PPFIA4: variants seen among roughly 807,000 people sequenced by gnomAD.
PPFIA4 encodes PPFI scaffold protein A4, also known as liprin-alpha-4.
In PPFIA4, 98 loss-of-function variants were observed where a neutral mutation model predicts 145.7. That is an observed-to-expected ratio of 0.67 (90% CI 0.57 to 0.80). PPFIA4 has a LOEUF of 0.80. PPFIA4 is among the 30% of genes least tolerant of loss of function. PPFIA4 has a pLI of 0.00. For synonymous variants in PPFIA4, 628 were observed against 649.6 expected (o/e 0.97, Z 0.51); for missense variants, 1,457 against 1,632.7 (o/e 0.89, Z 1.85).
rs758881513 is a variant in PPFIA4 at position 203,068,415 on chromosome 1, G to A, written c.3149-38G>A. 4 of 1,534,874 alleles carry A rather than the reference G, an allele frequency of 2.6e-6. No homozygotes were observed. In the East Asian group the frequency reaches 7.2e-5, roughly 28 times the overall value. On this transcript the variant is annotated intron_variant, in intron 26 of 29. Transcript: ENST00000295706. This position sits in a 1 kb window ranked among gnomAD's most constrained non-coding sequence, Gnocchi z 4.7. ...CTTGGAGGGCCCTTGATGAAACGTA[G>A]TATCTCCTTCCGTCCCTTTTCTTCC...
rs952998692 is a variant in PPFIA4, at chr1:203,044,416, C to A, written c.539C>A (p.Thr180Asn). The A allele has an allele frequency of 6.4e-6, 10 of 1,552,150 alleles. No individual in the cohort carries two copies. In the African/African-American group the frequency reaches 9.6e-5, roughly 15 times the overall value. The change falls in exon 5 of 30, where the codon ACC becomes AAC. Residue 180 changes from threonine (T) to asparagine (N), a missense_variant. Physicochemically the swap from Thr to Asn is moderately conservative, Grantham distance 65. This residue lies in a region of PPFIA4 where 463 missense variants were observed against 459.8 expected (regional missense o/e 1.01). Coordinates refer to ENST00000295706, the MANE Select transcript of PPFIA4 (RefSeq NM_001304331.2). ...ERLRAALERVTTLEEQLAGAH... is the reference protein window; with the variant it reads ...ERLRAALERVNTLEEQLAGAH... ...CTCCGGGCAGCGCTGGAGCGAGTCACCACCTTGGAGGAGCAGCTGGCAGGT... is the reference window on the plus strand; with the variant it reads ...CTCCGGGCAGCGCTGGAGCGAGTCAACACCTTGGAGGAGCAGCTGGCAGGT...
Position 203,061,031 on chromosome 1 carries a change from C to T in PPFIA4, c.2846C>T (p.Thr949Ile), listed in dbSNP as rs1239653449. ...GAAACTCTGGAAACATCTACTAAAA[C>T]AGTGAGTCTGGCCCTTGGCCTTTGT... is the stretch of plus-strand genomic sequence containing the variant. ...EMETLETSTKTDSEEGSWAQT... is the reference protein window; with the variant it reads ...EMETLETSTKIDSEEGSWAQT... The change falls in exon 23 of 30, where the codon ACA becomes ATA. Residue 949 changes from threonine (T) to isoleucine (I), a missense_variant and splice_region_variant. Physicochemically the swap from Thr to Ile is moderately conservative, Grantham distance 89. This residue lies in a region of PPFIA4 where 848 missense variants were observed against 1,046.7 expected (regional missense o/e 0.81). Transcript: ENST00000295706. 1.2e-6 allele frequency: 2 copies of T among 1,613,962 alleles called. No individual in the cohort carries two copies. The highest frequency in any genetic ancestry group is 1.7e-5 in the Admixed American group (1 of 60,028).
intron 9 of PPFIA4, 39 bp downstream of exon 9, chr1:203,046,421 C>CT: frequency 6.4e-7 from 1 of 1,552,256 alleles, no homozygotes; most frequent in Non-Finnish European, 8.7e-7. Context: ...CTCTGTCCCC[C>CT]ATGTTCTGAG....
intron 24 of PPFIA4, 111 bp downstream of exon 24, chr1:203,061,789 G>C: frequency 1.7e-6 from 2 of 1,159,036 alleles, no homozygotes; most frequent in East Asian, 2.9e-5. Context: ...GAAAAGCCCT[G>C]GACATAGGTT....
chr1:203,040,809 G>A (rs1659646632), intron 2 of PPFIA4, among the ~76,000 whole-genome samples: 1 of 152,144 alleles, frequency 6.6e-6, no homozygotes, highest in Non-Finnish European at 1.5e-5. Flanking sequence ...AGAGAGATTA[G>A]GTAACTTATT....
chr1:203,028,999 T>C (rs1658632178), intron 1 of PPFIA4, among the ~76,000 whole-genome samples: 1 of 152,046 alleles, frequency 6.6e-6, no homozygotes, highest in South Asian at 2.1e-4. Context: ...GGGCTGCTTC[T>C]AGGGGACCCT....
chr1:203,061,482 G>A (rs750281238), intron 23 of PPFIA4, 170 bp from the exon 24 acceptor site: 8 of 640,372 alleles, frequency 1.2e-5, no homozygotes, highest in Non-Finnish European at 1.8e-5. Flanking sequence ...GCAAACATGG[G>A]TGCACACACC....
At chr1:203,046,544 G>A in intron 9 of PPFIA4, 162 bp downstream of exon 9, 1 of 758,508 alleles carries the variant, frequency 1.3e-6, no homozygotes. Flanking sequence ...GTGCCTGTCA[G>A]TTGGAAGAGT....
At chr1:203,032,041 C>CGTGTATGTGTGTGTGT (rs138677252) in intron 1 of PPFIA4, among the ~76,000 whole-genome samples, 2 of 146,350 alleles carry the variant, frequency 1.4e-5, no homozygotes, top group Non-Finnish European at 3.0e-5. Context: ...TCTGAGAGAA[C>CGTGTATGTGTGTGTGT]GTGTGTGTGT....
At chr1:203,044,864 C>A in intron 6 of PPFIA4, 79 bp downstream of exon 6, 1 of 1,151,072 alleles carries the variant, frequency 8.7e-7, no homozygotes, top group Non-Finnish European at 1.3e-6. Context: ...TGCCTTAGTT[C>A]AGTAGACTAA....
At chr1:203,049,534 G>C (rs1660341091) in intron 12 of PPFIA4, 142 bp from the exon 13 acceptor site, 2 of 681,108 alleles carry the variant, frequency 2.9e-6, no homozygotes, top group Non-Finnish European at 4.5e-6. Context: ...CTGGCCTGGG[G>C]CCCCTGGCTT....
At chr1:203,035,265 G>A (rs138927144) in intron 1 of PPFIA4, 37 of 456,602 alleles carry the variant, frequency 8.1e-5, no homozygotes, top group African/African-American at 4.4e-4. Flanking sequence ...TGTGGTCTCC[G>A]CAGGGGCTGG....
chr1:203,048,581 A>T lies in PPFIA4; in HGVS notation c.1225-2A>T. On this transcript the variant is annotated splice_acceptor_variant, in intron 10 of 29. Transcript: ENST00000295706. LOFTEE classifies it high-confidence loss of function. This position sits in a 1 kb window ranked among gnomAD's most constrained non-coding sequence, Gnocchi z 5.8. Reference sequence around the variant, plus strand: ...CCTGGTGCGAGGCAGACGGCTGTGCAGGTGCGCCAGCGGGAAAAGATGAAT... The same window carrying T: ...CCTGGTGCGAGGCAGACGGCTGTGCTGGTGCGCCAGCGGGAAAAGATGAAT... 6.3e-7 allele frequency: 1 copy of T among 1,577,236 alleles called. No individual in the cohort carries two copies. The highest frequency in any genetic ancestry group is 8.6e-7 in the Non-Finnish European group (1 of 1,162,798).
At chr1:203,026,764 G>C (rs995400925) in intron 1 of PPFIA4, 135 bp downstream of exon 1, 3 of 152,362 alleles carry the variant, frequency 2.0e-5, no homozygotes, top group African/African-American at 7.2e-5. Context: ...TGCTACCTCC[G>C]GCAGGCGTCG....
intron 2 of PPFIA4, among the ~76,000 whole-genome samples, chr1:203,041,740 C>A (rs1192682719): frequency 6.6e-6 from 1 of 152,094 alleles, no homozygotes; most frequent in Non-Finnish European, 1.5e-5. Context: ...CAGCACCAGC[C>A]TTTTGGTGGT....
At chr1:203,064,615 C>G (rs1376356758) in intron 25 of PPFIA4, among the ~76,000 whole-genome samples, 1 of 152,194 alleles carries the variant, frequency 6.6e-6, no homozygotes, top group Non-Finnish European at 1.5e-5. Context: ...TTTGTTTGGC[C>G]CACATAAATC....
At chr1:203,065,578 G>C (rs1249973820) in intron 25 of PPFIA4, among the ~76,000 whole-genome samples, 1 of 152,206 alleles carries the variant, frequency 6.6e-6, no homozygotes, top group Admixed American at 6.5e-5. Flanking sequence ...TCTAGGTTCA[G>C]CTCTGAATCT....
Position 203,075,891 on chromosome 1 carries a change from T to A in PPFIA4, c.3574+134T>A. ...CCGCGCTCCTGCGCTGCAGCTGCACTAACGCTCCGCGGGGAGCGTGTGTGC... is the reference window on the plus strand; with the variant it reads ...CCGCGCTCCTGCGCTGCAGCTGCACAAACGCTCCGCGGGGAGCGTGTGTGC... On this transcript the variant is annotated intron_variant, in intron 29 of 29. Transcript: ENST00000295706. This position sits in a 1 kb window ranked among gnomAD's most constrained non-coding sequence, Gnocchi z 4.1. 1 of 922,886 alleles carries A rather than the reference T, an allele frequency of 1.1e-6. No individual in the cohort carries two copies. Among genetic ancestry groups the A allele is most frequent in the Non-Finnish European group, 1.5e-6 (1 of 670,102 alleles). 57.2% of individuals were successfully genotyped at this position (922,886 alleles called of 1,614,324 possible). A position where few individuals can be genotyped will look rare whatever the true frequency, so the allele number is the denominator to read the frequency against.
At position 203,075,136 on chromosome 1, in the gene PPFIA4, C is replaced by G. The variant is rs1052320547; in HGVS notation, c.3394-441C>G. Among the ~76,000 whole-genome samples the G allele has an allele frequency of 2.0e-5, 3 of 152,130 alleles. No individual in the cohort carries two copies. Among genetic ancestry groups the G allele is most frequent in the Admixed American group, 6.5e-5 (1 of 15,282 alleles). On this transcript the variant is annotated intron_variant, in intron 28 of 29. Transcript: ENST00000295706. The surrounding 1 kb of genome is among the most constrained non-coding windows in gnomAD (Gnocchi z 4.1). The stretch of plus-strand genomic sequence containing the variant: ...GACTCCCGCCCGACATAGTACTCTT[C>G]TGGTATACTGGGCTACAGCCATTCG...
Sources: allele counts gnomAD v4.1 joint callset (sites outside exome capture counted in the v4.1 genomes callset), GRCh38; gene constraint gnomAD v4.1.1; regional missense constraint gnomAD v4.1.1; non-coding constraint Gnocchi (gnomAD v3.1); transcripts MANE v1.5; gene names NCBI Gene and HGNC (gene_info 2026-07-23, HGNC 2026-07-21).